The following DGKI variants were observed in gnomAD, a reference collection of about 807,000 sequenced individuals.
The protein encoded by DGKI is DAG kinase iota.
In DGKI, 55 loss-of-function variants were observed where a neutral mutation model predicts 147.5. That is an observed-to-expected ratio of 0.37 (90% CI 0.30 to 0.47). The LOEUF (loss-of-function observed/expected upper bound fraction) is 0.47. DGKI is among the 20% of genes least tolerant of loss of function. The pLI, the probability that DGKI is intolerant of heterozygous loss-of-function variation, is 1.00. For missense variants in DGKI, 1,007 were observed against 1,323.8 expected, an observed-to-expected ratio of 0.76 and a Z score of 3.71; for synonymous variants, 469 against 477.1, an observed-to-expected ratio of 0.98 and a Z score of 0.22.
intron 8 of DGKI, among the ~76,000 whole-genome samples, chr7:137,611,845 G>A (rs928511763): frequency 6.6e-6 from 1 of 152,110 alleles, no homozygotes; most frequent in Non-Finnish European, 1.5e-5. Flanking sequence ...ATAATTCACA[G>A]CATTTACTGA....
chr7:137,590,027 A>G (rs1305411098), intron 12 of DGKI, among the ~76,000 whole-genome samples: 2 of 152,136 alleles, frequency 1.3e-5, no homozygotes, highest in African/African-American at 2.4e-5. Flanking sequence ...AGAAAAGAAA[A>G]AAAGAAAGAA....
chr7:137,570,746 T>C (rs1368654073), intron 19 of DGKI, among the ~76,000 whole-genome samples: 1 of 151,970 alleles, frequency 6.6e-6, no homozygotes, highest in East Asian at 1.9e-4. Flanking sequence ...CAGCACATCA[T>C]ACCCAGCTAA....
At chr7:137,707,895 C>G (rs974713350) in intron 1 of DGKI, among the ~76,000 whole-genome samples, 1 of 152,198 alleles carries the variant, frequency 6.6e-6, no homozygotes, top group African/African-American at 2.4e-5. Context: ...GCGTCATGAT[C>G]CATTCTTCTA....
chr7:137,842,887 A>C (rs1798587304), intron 1 of DGKI, among the ~76,000 whole-genome samples: 1 of 152,352 alleles, frequency 6.6e-6, no homozygotes, highest in East Asian at 1.9e-4. Context: ...CGTGTATTAC[A>C]GATGAGGGGG....
At chr7:137,683,639 C>T (rs558783863) in intron 2 of DGKI, among the ~76,000 whole-genome samples, 1 of 152,348 alleles carries the variant, frequency 6.6e-6, no homozygotes, top group African/African-American at 2.4e-5. Flanking sequence ...TCTCTCTTCT[C>T]TACACATGCA....
chr7:137,695,479 C>T (rs1585380500), intron 1 of DGKI, among the ~76,000 whole-genome samples: 1 of 152,256 alleles, frequency 6.6e-6, no homozygotes, highest in East Asian at 1.9e-4. Flanking sequence ...TTTTACGTAT[C>T]CCTCACAATA....
chr7:137,698,613 C>T (rs1392021391), intron 1 of DGKI, among the ~76,000 whole-genome samples: 1 of 152,148 alleles, frequency 6.6e-6, no homozygotes, highest in East Asian at 1.9e-4. Flanking sequence ...CCAGCAGCAG[C>T]CAACACTCCC....
At chr7:137,713,081 G>T (rs73152515) in intron 1 of DGKI, among the ~76,000 whole-genome samples, 1 of 152,144 alleles carries the variant, frequency 6.6e-6, no homozygotes, top group African/African-American at 2.4e-5. Flanking sequence ...TGGGACCATC[G>T]TTCCAGTCTA....
At chr7:137,423,945 C>T (rs1251465486) in intron 28 of DGKI, among the ~76,000 whole-genome samples, 3 of 152,134 alleles carry the variant, frequency 2.0e-5, no homozygotes, top group East Asian at 1.9e-4. Context: ...ATACACTTGC[C>T]GTGGTGGTTT....
At chr7:137,548,858 A>C (rs1170298466) in intron 20 of DGKI, among the ~76,000 whole-genome samples, 1 of 152,090 alleles carries the variant, frequency 6.6e-6, no homozygotes, top group Non-Finnish European at 1.5e-5. Context: ...CTACTCGTGA[A>C]GCTGAGGCAG....
At chr7:137,687,697 C>T (rs1823466924) in intron 2 of DGKI, among the ~76,000 whole-genome samples, 2 of 152,158 alleles carry the variant, frequency 1.3e-5, no homozygotes, top group South Asian at 2.1e-4. Context: ...AATCAGCCCA[C>T]AAAGATGTTG....
At chr7:137,469,431 G>T in intron 24 of DGKI, 119 bp downstream of exon 24, 1 of 919,242 alleles carries the variant, frequency 1.1e-6, no homozygotes. Context: ...CAGCCATGTG[G>T]AGTCACATGA....
At chr7:137,746,243 G>A (rs1795325390) in intron 1 of DGKI, among the ~76,000 whole-genome samples, 1 of 152,116 alleles carries the variant, frequency 6.6e-6, no homozygotes, top group Admixed American at 6.6e-5. Context: ...AGTTGTCCAG[G>A]CATCTGCTTT....
chr7:137,428,320 A>G (rs1649097082), intron 28 of DGKI, among the ~76,000 whole-genome samples: 2 of 152,250 alleles, frequency 1.3e-5, no homozygotes, highest in Non-Finnish European at 2.9e-5. Context: ...ATCTCAATAG[A>G]TGCAGAAAAG....
In DGKI at chr7:137,756,883, C is replaced by T. The variant is rs184557993; in HGVS notation, c.402-66881G>A. On this transcript the variant is annotated intron_variant, in intron 1 of 32. Coordinates refer to ENST00000614521, the MANE Select transcript of DGKI (RefSeq NM_001321708.2). ...CCACACAAGGACCACTAATACCTAC[C>T]CACAATTTAATTTTCAATTTCTCAT... Among the ~76,000 whole-genome samples the T allele has an allele frequency of 3.9e-5, 6 of 152,284 alleles. No individual in the cohort carries two copies. In the East Asian group the frequency reaches 1.2e-3, roughly 29 times the overall value.
At chr7:137,650,482 C>T (rs1414171022) in intron 5 of DGKI, among the ~76,000 whole-genome samples, 1 of 152,094 alleles carries the variant, frequency 6.6e-6, no homozygotes, top group Non-Finnish European at 1.5e-5. Context: ...GTTTGTGTCC[C>T]CTCAAAATTT....
At chr7:137,622,263 G>A (rs1820775376) in intron 7 of DGKI, among the ~76,000 whole-genome samples, 1 of 152,086 alleles carries the variant, frequency 6.6e-6, no homozygotes, top group South Asian at 2.1e-4. Flanking sequence ...CCCACAAAAT[G>A]TCCATTTCAT....
At chr7:137,531,825 A>G (rs1817348642) in intron 20 of DGKI, among the ~76,000 whole-genome samples, 1 of 152,204 alleles carries the variant, frequency 6.6e-6, no homozygotes, top group South Asian at 2.1e-4. Flanking sequence ...AGAAGAAAAC[A>G]CTTGTGGTCT....
At chr7:137,653,326 G>A (rs897760790) in intron 5 of DGKI, among the ~76,000 whole-genome samples, 7 of 152,306 alleles carry the variant, frequency 4.6e-5, no homozygotes, top group African/African-American at 1.4e-4. Context: ...TCTGAAAGTT[G>A]TCTCTATGCC....
Sources: allele counts gnomAD v4.1 joint callset (sites outside exome capture counted in the v4.1 genomes callset), GRCh38; gene constraint gnomAD v4.1.1; transcripts MANE v1.5; gene names NCBI Gene and HGNC (gene_info 2026-07-23, HGNC 2026-07-21).